DCAF8L2: variants seen among roughly 807,000 people sequenced by gnomAD.
DCAF8L2 encodes DDB1- and CUL4-associated factor 8-like protein 2.
For missense variants in DCAF8L2, 430 were observed against 490.7 expected (o/e 0.88, Z 1.17); for synonymous variants, 200 against 190.9 (o/e 1.05, Z -0.39).
At chrX:27,592,327 C>T (rs1029102438) in intron 1 of DCAF8L2, among the ~76,000 whole-genome samples, 9 of 111,811 alleles carry the variant, frequency 8.0e-5, no homozygotes, top group South Asian at 7.4e-4. Context: ...GGCATGGAGC[C>T]GGGGCACGTT....
the DCAF8L2 span, among the ~76,000 whole-genome samples, chrX:27,540,383 C>T: frequency 9.0e-6 from 1 of 111,447 alleles, no homozygotes; most frequent in Non-Finnish European, 1.9e-5. Context: ...CTTAAGGGTT[C>T]TAATGCAGAA....
rs139902225 is a variant in DCAF8L2 at position 27,718,930 on chromosome X, G to T, written c.-59+2759G>T. ...TTCCTTATTACATATGTATGTGTGT[G>T]TATGTATGTATATTATATATGTATA... On this transcript the variant is annotated intron_variant, in intron 4 of 4. Coordinates refer to ENST00000451261, the MANE Select transcript of DCAF8L2 (RefSeq NM_001353450.2). 8.3e-3 allele frequency among the ~76,000 whole-genome samples: 930 copies of T among 111,514 alleles called. 12 individuals are homozygous for T. Among genetic ancestry groups the T allele is most frequent in the African/African-American group, 0.029 (890 of 30,674 alleles).
intron 4 of DCAF8L2, among the ~76,000 whole-genome samples, chrX:27,742,321 C>A (rs750310899): frequency 9.9e-5 from 11 of 111,469 alleles, no homozygotes; most frequent in Non-Finnish European, 2.1e-4. Flanking sequence ...ATAATCCCAG[C>A]ACTTTGGGAG....
the DCAF8L2 span, among the ~76,000 whole-genome samples, chrX:27,505,142 C>A: frequency 1.5e-3 from 164 of 111,480 alleles, no homozygotes; most frequent in African/African-American, 4.9e-3. Context: ...TTTAAGCAGG[C>A]TAAGTACCTT....
chrX:27,499,530 T>C, the DCAF8L2 span, among the ~76,000 whole-genome samples: 1 of 111,986 alleles, frequency 8.9e-6, no homozygotes, highest in Non-Finnish European at 1.9e-5. Context: ...CTGGGTAATT[T>C]ATGAAGAAAA....
At chrX:27,728,042 T>C (rs1489393364) in intron 4 of DCAF8L2, among the ~76,000 whole-genome samples, 2 of 111,571 alleles carry the variant, frequency 1.8e-5, no homozygotes, top group Non-Finnish European at 3.8e-5. Flanking sequence ...CCTGAGAACA[T>C]TACATTTCAA....
the DCAF8L2 span, among the ~76,000 whole-genome samples, chrX:27,567,275 C>T: frequency 4.6e-5 from 5 of 108,906 alleles, no homozygotes; most frequent in African/African-American, 6.7e-5. Context: ...TCAGCTGTTT[C>T]TTTATTGATT....
At chrX:27,522,091 G>T in the DCAF8L2 span, among the ~76,000 whole-genome samples, 98 of 112,277 alleles carry the variant, frequency 8.7e-4, 5 homozygotes, top group East Asian at 0.026. Flanking sequence ...GCAGTGGCGC[G>T]ATCTCGGCTC....
At chrX:27,663,435 C>T (rs1929625403) in intron 2 of DCAF8L2, among the ~76,000 whole-genome samples, 1 of 111,780 alleles carries the variant, frequency 8.9e-6, no homozygotes, top group Non-Finnish European at 1.9e-5. Context: ...TTTGGCAATT[C>T]TCACAATACT....
chrX:27,594,155 G>A (rs929334980), intron 1 of DCAF8L2, among the ~76,000 whole-genome samples: 5 of 111,490 alleles, frequency 4.5e-5, no homozygotes, highest in Admixed American at 9.6e-5. Context: ...TATATTTTTA[G>A]TATTAATGTA....
chrX:27,499,957 A>T, the DCAF8L2 span, among the ~76,000 whole-genome samples: 1 of 111,505 alleles, frequency 9.0e-6, no homozygotes, highest in Non-Finnish European at 1.9e-5. Context: ...GTGTGGATAA[A>T]TTTTTTAGTT....
chrX:27,476,539 G>A, the DCAF8L2 span, among the ~76,000 whole-genome samples: 4 of 110,673 alleles, frequency 3.6e-5, no homozygotes, highest in Non-Finnish European at 7.6e-5. Flanking sequence ...TTGAGATTGA[G>A]GTACATACAC....
chrX:27,473,181 T>C, the DCAF8L2 span, among the ~76,000 whole-genome samples: 1 of 112,259 alleles, frequency 8.9e-6, no homozygotes, highest in Non-Finnish European at 1.9e-5. Context: ...TTCTAAAAAT[T>C]TTGTATGTGA....
At chrX:27,549,689 C>T in the DCAF8L2 span, among the ~76,000 whole-genome samples, 2 of 111,469 alleles carry the variant, frequency 1.8e-5, no homozygotes, top group Admixed American at 1.9e-4. Flanking sequence ...ACATATTGCA[C>T]AATTCAGACA....
the DCAF8L2 span, among the ~76,000 whole-genome samples, chrX:27,493,520 G>C: frequency 9.2e-6 from 1 of 109,084 alleles, no homozygotes; most frequent in African/African-American, 3.4e-5. Context: ...AGACCAGCCT[G>C]GCCAACGTGA....
At chrX:27,489,243 G>A in the DCAF8L2 span, among the ~76,000 whole-genome samples, 3 of 110,976 alleles carry the variant, frequency 2.7e-5, no homozygotes, top group East Asian at 2.9e-4. Flanking sequence ...GACTACAGGC[G>A]CCCACCACCG....
intron 3 of DCAF8L2, among the ~76,000 whole-genome samples, chrX:27,682,614 G>C (rs1158330261): frequency 9.0e-6 from 1 of 110,675 alleles, no homozygotes; most frequent in Non-Finnish European, 1.9e-5. Context: ...TATAGTTGTA[G>C]ATTAATAGAG....
intron 2 of DCAF8L2, among the ~76,000 whole-genome samples, chrX:27,647,329 G>GTTCTCACTTA (rs1440664710): frequency 2.7e-5 from 3 of 111,882 alleles, no homozygotes; most frequent in African/African-American, 9.8e-5. Context: ...AACATCGCAT[G>GTTCTCACTTA]TTCTCACTTA....
intron 2 of DCAF8L2, among the ~76,000 whole-genome samples, chrX:27,643,003 C>T (rs185479542): frequency 8.9e-6 from 1 of 111,897 alleles, no homozygotes; most frequent in East Asian, 2.8e-4. Flanking sequence ...TATGTATATG[C>T]AGACACCTTT....
Sources: allele counts gnomAD v4.1 joint callset (sites outside exome capture counted in the v4.1 genomes callset), GRCh38; gene constraint gnomAD v4.1.1; transcripts MANE v1.5; gene names NCBI Gene and HGNC (gene_info 2026-07-23, HGNC 2026-07-21).